THRB: variants seen among roughly 807,000 people sequenced by gnomAD.
THRB encodes the protein thyroid hormone receptor beta.
Under a neutral mutation model 47.8 loss-of-function variants are expected in THRB, and 12 were observed. That is an observed-to-expected ratio of 0.25 (90% CI 0.16 to 0.41). The LOEUF (loss-of-function observed/expected upper bound fraction) is 0.41. Among genes scored for constraint, THRB ranks in the 10% least tolerant of loss-of-function variants. The pLI, the probability that THRB is intolerant of heterozygous loss-of-function variation, is 1.00. For synonymous variants in THRB, 218 were observed against 212.2 expected (o/e 1.03, Z -0.24); for missense variants, 348 against 589.2 (o/e 0.59, Z 4.24).
chr3:24,248,008 G>GT (rs2050273187), intron 3 of THRB, among the ~76,000 whole-genome samples: 2 of 151,726 alleles, frequency 1.3e-5, no homozygotes, highest in Admixed American at 1.3e-4. Flanking sequence ...GGCCAACCCT[G>GT]TATCAGTGAG....
intron 3 of THRB, among the ~76,000 whole-genome samples, chr3:24,279,415 A>T (rs1415704660): frequency 1.3e-5 from 2 of 151,864 alleles, no homozygotes; most frequent in Non-Finnish European, 2.9e-5. Flanking sequence ...ACGGAGCCTC[A>T]TTCTGTCGCC....
At chr3:24,134,091 C>A (rs145324553) in intron 8 of THRB, among the ~76,000 whole-genome samples, 7 of 152,270 alleles carry the variant, frequency 4.6e-5, no homozygotes, top group Non-Finnish European at 7.4e-5. Context: ...TATTTAATGT[C>A]CCTAGGGCAG....
chr3:24,212,577 CAAAAAAAAAA>C (rs1199010853), intron 4 of THRB, among the ~76,000 whole-genome samples: 3 of 84,098 alleles, frequency 3.6e-5, no homozygotes, highest in Admixed American at 1.5e-4. Flanking sequence ...GACTCCGTCT[CAAAAAAAAAA>C]AAAAAAAAAA....
intron 2 of THRB, among the ~76,000 whole-genome samples, chr3:24,304,483 T>C (rs2057192189): frequency 6.6e-6 from 1 of 151,930 alleles, no homozygotes; most frequent in South Asian, 2.1e-4. Flanking sequence ...CTAGTATTAA[T>C]AAAAAAGAGA....
intron 3 of THRB, among the ~76,000 whole-genome samples, chr3:24,240,755 T>G (rs191559144): frequency 6.6e-6 from 1 of 152,280 alleles, no homozygotes; most frequent in East Asian, 1.9e-4. Context: ...TCTGATTCAG[T>G]TAGTTTGGGG....
intron 4 of THRB, among the ~76,000 whole-genome samples, chr3:24,216,551 T>C (rs1399235975): frequency 6.6e-6 from 1 of 151,970 alleles, no homozygotes. Context: ...GAGCTTGCAG[T>C]GAGCCGAGAT....
At chr3:24,404,063 G>A (rs1177134289) in intron 1 of THRB, among the ~76,000 whole-genome samples, 1 of 151,860 alleles carries the variant, frequency 6.6e-6, no homozygotes, top group Non-Finnish European at 1.5e-5. Flanking sequence ...TACCATCGTG[G>A]GCTTGATAGA....
chr3:24,181,118 G>C (rs1488172265), intron 5 of THRB, among the ~76,000 whole-genome samples: 1 of 152,240 alleles, frequency 6.6e-6, no homozygotes, highest in African/African-American at 2.4e-5. Context: ...CACTGAAAGA[G>C]ATGGTTTAAG....
intron 3 of THRB, among the ~76,000 whole-genome samples, chr3:24,277,100 T>C (rs184911454): frequency 3.9e-5 from 6 of 152,312 alleles, no homozygotes; most frequent in East Asian, 1.9e-4. Flanking sequence ...AACGTTGCCA[T>C]AGAAGAGATT....
chr3:24,464,985 G>A (rs2074017123), intron 1 of THRB, among the ~76,000 whole-genome samples: 1 of 151,932 alleles, frequency 6.6e-6, no homozygotes, highest in Admixed American at 6.6e-5. Context: ...TTTACAAACA[G>A]TACTTATTTA....
rs998767360 is a variant in THRB at position 24,121,764 on chromosome 3, G to A, written c.*1120C>T. On this transcript the variant is annotated 3_prime_UTR_variant, in exon 11 of 11. Coordinates refer to ENST00000646209, the MANE Select transcript of THRB (RefSeq NM_001354712.2). ...GGGACTAGGAGACATTTGTCAATGA[G>A]GCAAGGAGCTTGAGGATCTAACCAG... The A allele has an allele frequency of 6.6e-6, 1 of 152,322 alleles. No individual in the cohort carries two copies. Among genetic ancestry groups the A allele is most frequent in the Non-Finnish European group, 1.5e-5 (1 of 68,078 alleles). 9.4% of individuals were successfully genotyped at this position (152,322 alleles called of 1,614,324 possible). A position where few individuals can be genotyped will look rare whatever the true frequency, so the allele number is the denominator to read the frequency against.
intron 4 of THRB, among the ~76,000 whole-genome samples, chr3:24,201,349 C>G (rs1559581934): frequency 6.6e-6 from 1 of 152,076 alleles, no homozygotes; most frequent in Non-Finnish European, 1.5e-5. Flanking sequence ...CCTCCATGCT[C>G]AAATGGCTTG....
chr3:24,220,386 G>C (rs1405389349), intron 4 of THRB, among the ~76,000 whole-genome samples: 1 of 152,164 alleles, frequency 6.6e-6, no homozygotes, highest in Non-Finnish European at 1.5e-5. Flanking sequence ...AGCTACTCGG[G>C]AGGCTGAGAT....
intron 2 of THRB, among the ~76,000 whole-genome samples, chr3:24,305,342 T>C (rs1460316954): frequency 6.6e-6 from 1 of 152,142 alleles, no homozygotes; most frequent in Non-Finnish European, 1.5e-5. Flanking sequence ...GCTGTAGAGG[T>C]AGCTGGCCTA....
intron 8 of THRB, among the ~76,000 whole-genome samples, chr3:24,134,560 T>C (rs980928919): frequency 6.6e-5 from 10 of 152,148 alleles, no homozygotes; most frequent in African/African-American, 2.4e-4. Flanking sequence ...AGGCCTGCGA[T>C]CTGGGTGGCC....
intron 4 of THRB, among the ~76,000 whole-genome samples, chr3:24,219,330 C>T (rs187444804): frequency 1.1e-4 from 17 of 152,264 alleles, no homozygotes; most frequent in African/African-American, 3.6e-4. Flanking sequence ...ATTTTAAACT[C>T]GATGCCTATC....
chr3:24,200,720 G>C (rs2044490203), intron 4 of THRB, among the ~76,000 whole-genome samples: 1 of 152,156 alleles, frequency 6.6e-6, no homozygotes, highest in South Asian at 2.1e-4. Context: ...TAGTTTTTAG[G>C]GAAGAGACAT....
At chr3:24,279,298 G>A (rs937825000) in intron 3 of THRB, among the ~76,000 whole-genome samples, 1 of 152,162 alleles carries the variant, frequency 6.6e-6, no homozygotes, top group Non-Finnish European at 1.5e-5. Flanking sequence ...CACCTGGAAA[G>A]TTCATGAGAG....
chr3:24,269,385 A>ACACGCG (rs1366598448), intron 3 of THRB, among the ~76,000 whole-genome samples: 1 of 52,372 alleles, frequency 1.9e-5, no homozygotes, highest in African/African-American at 7.8e-5. Flanking sequence ...ATCATAGCTC[A>ACACGCG]CACGCGCGCG....
Sources: allele counts gnomAD v4.1 joint callset (sites outside exome capture counted in the v4.1 genomes callset), GRCh38; gene constraint gnomAD v4.1.1; transcripts MANE v1.5; gene names NCBI Gene and HGNC (gene_info 2026-07-23, HGNC 2026-07-21).